The following FER variants were observed in gnomAD, a reference collection of about 807,000 sequenced individuals.
FER encodes the protein tyrosine-protein kinase Fer.
A neutral mutation model predicts 111.0 loss-of-function variants in FER; 63 were observed. The observed-to-expected ratio is 0.57, with a 90% CI of 0.46 to 0.70. The LOEUF (loss-of-function observed/expected upper bound fraction) is 0.70. Ranked by LOEUF, FER falls within the 30% of genes least tolerant of loss-of-function variation. The pLI is 0.00. For missense variants in FER, 914 were observed against 954.0 expected (o/e 0.96, Z 0.55); for synonymous variants, 327 against 313.9 (o/e 1.04, Z -0.44).
chr5:109,142,313 A>G (rs1353350494), intron 17 of FER, among the ~76,000 whole-genome samples: 1 of 152,156 alleles, frequency 6.6e-6, no homozygotes, highest in Non-Finnish European at 1.5e-5. Context: ...TCCTTTGCTT[A>G]ATTCTAATAA....
intron 5 of FER, among the ~76,000 whole-genome samples, chr5:108,839,910 A>T (rs1467120886): frequency 6.6e-6 from 1 of 152,046 alleles, no homozygotes; most frequent in Non-Finnish European, 1.5e-5. Flanking sequence ...AGTTAATCAG[A>T]TTCTTTATCG....
At chr5:109,166,371 C>G (rs1756558746) in intron 17 of FER, among the ~76,000 whole-genome samples, 1 of 152,046 alleles carries the variant, frequency 6.6e-6, no homozygotes, top group African/African-American at 2.4e-5. Flanking sequence ...GAGAAGGCAC[C>G]TGCAACAGCT....
intron 17 of FER, among the ~76,000 whole-genome samples, chr5:109,158,740 CGTT>C (rs752866342): frequency 2.4e-4 from 36 of 152,182 alleles, no homozygotes; most frequent in Non-Finnish European, 3.5e-4. Flanking sequence ...TTGAAGTACT[CGTT>C]GTTCCCTGAA....
At chr5:108,932,554 G>A (rs957222703) in intron 10 of FER, among the ~76,000 whole-genome samples, 1 of 152,120 alleles carries the variant, frequency 6.6e-6, no homozygotes, top group Non-Finnish European at 1.5e-5. Context: ...GGATTGCTGG[G>A]TCAAATGGTA....
Position 109,058,376 on chromosome 5 carries a change from A to T in FER, c.1924+11178A>T, listed in dbSNP as rs186823438. On this transcript the variant is annotated intron_variant, in intron 16 of 19. Coordinates refer to ENST00000281092, the MANE Select transcript of FER (RefSeq NM_005246.4). ...TAGTTGGTGCAATAAAGAAGAAAAAAGTAAAAGGCATCTTTTAATTGTTTG... is the reference window on the plus strand; with the variant it reads ...TAGTTGGTGCAATAAAGAAGAAAAATGTAAAAGGCATCTTTTAATTGTTTG... Among the ~76,000 whole-genome samples the T allele has an allele frequency of 1.1e-4, 16 of 152,292 alleles. 1 individual carries two copies. The East Asian group carries it at 3.1e-3, about 29-fold the overall frequency.
At chr5:108,857,580 C>G (rs938241900) in intron 5 of FER, among the ~76,000 whole-genome samples, 3 of 152,038 alleles carry the variant, frequency 2.0e-5, no homozygotes, top group Non-Finnish European at 4.4e-5. Context: ...TTTTCACCCA[C>G]TAGTTTTTAT....
intron 12 of FER, among the ~76,000 whole-genome samples, chr5:108,955,931 G>T (rs948426064): frequency 1.3e-4 from 20 of 151,716 alleles, no homozygotes; most frequent in Non-Finnish European, 2.8e-4. Flanking sequence ...ATTTTAAAAT[G>T]TAGGATTCAG....
In FER at chr5:109,188,032, A is replaced by ATTATATTTGTAAACAAACAAACAG. The variant is rs1562010236; in HGVS notation, c.*458_*481dup. The ATTATATTTGTAAACAAACAAACAG allele has an allele frequency of 1.0e-5, 1 of 96,312 alleles. No homozygotes were observed. Among genetic ancestry groups the ATTATATTTGTAAACAAACAAACAG allele is most frequent in the African/African-American group, 4.4e-5 (1 of 22,810 alleles). 6.0% of individuals were successfully genotyped at this position (96,312 alleles called of 1,614,324 possible). ...TGGCTTTCACCTCTGCCAAAGCAGG[A>ATTATATTTGTAAACAAACAAACAG]TTATATTTGTAAACAAACAAACAGA... is the stretch of plus-strand genomic sequence containing the variant. On this transcript the variant is annotated 3_prime_UTR_variant, in exon 20 of 20. Transcript: ENST00000281092.
chr5:109,127,044 A>G (rs973200913), intron 17 of FER, among the ~76,000 whole-genome samples: 2 of 152,190 alleles, frequency 1.3e-5, no homozygotes, highest in Admixed American at 6.5e-5. Flanking sequence ...CGTATTTCCA[A>G]TACAAAGAAA....
chr5:109,150,870 T>C (rs1407445832), intron 17 of FER, among the ~76,000 whole-genome samples: 1 of 152,124 alleles, frequency 6.6e-6, no homozygotes, highest in East Asian at 1.9e-4. Flanking sequence ...CAAATTTATC[T>C]TACATAACTG....
intron 16 of FER, among the ~76,000 whole-genome samples, chr5:109,063,201 A>G (rs1196915765): frequency 2.0e-5 from 3 of 152,210 alleles, no homozygotes; most frequent in African/African-American, 7.2e-5. Context: ...TGTAATTTCT[A>G]TAGTACATTT....
In FER at chr5:108,768,464, T is replaced by C. The variant is rs191833904; in HGVS notation, c.-60+226T>C. On this transcript the variant is annotated intron_variant, in intron 2 of 19. Coordinates refer to ENST00000281092, the MANE Select transcript of FER (RefSeq NM_005246.4). ...AATTATTTTTCTCAACTAACACTTA[T>C]AATTAGCAGAATCCCAATCTGTATC... is the stretch of plus-strand genomic sequence containing the variant. Among the ~76,000 whole-genome samples, 27 of 152,336 alleles carry C rather than the reference T, an allele frequency of 1.8e-4. 1 individual carries two copies. In the East Asian group the frequency reaches 4.6e-3, roughly 26 times the overall value.
intron 9 of FER, among the ~76,000 whole-genome samples, chr5:108,884,949 T>A (rs1746877059): frequency 6.6e-6 from 1 of 152,010 alleles, no homozygotes. Context: ...ATTTATTTTC[T>A]TTTCCCTTGG....
At chr5:108,804,019 T>G (rs1756944431) in intron 3 of FER, among the ~76,000 whole-genome samples, 1 of 152,204 alleles carries the variant, frequency 6.6e-6, no homozygotes, top group East Asian at 1.9e-4. Flanking sequence ...AGCAGTGTCT[T>G]GTAGTGCTTC....
At chr5:109,055,564 A>T (rs1302007947) in intron 16 of FER, among the ~76,000 whole-genome samples, 1 of 151,930 alleles carries the variant, frequency 6.6e-6, no homozygotes, top group Non-Finnish European at 1.5e-5. Flanking sequence ...AGGCAGGAGG[A>T]CTGTTGGATC....
intron 5 of FER, among the ~76,000 whole-genome samples, chr5:108,866,197 A>G (rs1167993513): frequency 6.6e-6 from 1 of 152,244 alleles, no homozygotes; most frequent in African/African-American, 2.4e-5. Flanking sequence ...AATGTCCAAC[A>G]GTGATAGACT....
intron 13 of FER, among the ~76,000 whole-genome samples, chr5:109,012,447 T>C (rs1028523349): frequency 3.3e-5 from 5 of 152,248 alleles, no homozygotes; most frequent in Non-Finnish European, 7.3e-5. Context: ...AAATATGAAA[T>C]TCCAATACTG....
At chr5:108,752,248 T>G (rs971141637) in intron 1 of FER, among the ~76,000 whole-genome samples, 1 of 152,100 alleles carries the variant, frequency 6.6e-6, no homozygotes, top group Non-Finnish European at 1.5e-5. Context: ...CTCCTTTTCT[T>G]TCTTATTTTT....
At chr5:109,047,804 C>G (rs754479695) in intron 16 of FER, among the ~76,000 whole-genome samples, 1 of 149,064 alleles carries the variant, frequency 6.7e-6, no homozygotes. Context: ...TTATGAACTT[C>G]TTTCATATGT....
Sources: allele counts gnomAD v4.1 joint callset (sites outside exome capture counted in the v4.1 genomes callset), GRCh38; gene constraint gnomAD v4.1.1; transcripts MANE v1.5; gene names NCBI Gene and HGNC (gene_info 2026-07-23, HGNC 2026-07-21).